Variants in AHCY observed in about 807,000 individuals in gnomAD.
AHCY encodes the protein S-adenosyl-L-homocysteine hydrolase.
AHCY carries 24 observed loss-of-function variants against 45.4 expected under a neutral mutation model. The ratio of observed to expected loss-of-function variants is 0.53; its 90% CI spans 0.38 to 0.74. The LOEUF (loss-of-function observed/expected upper bound fraction) is 0.74. Ranked by LOEUF, AHCY falls within the 30% of genes least tolerant of loss-of-function variation. The probability of loss-of-function intolerance (pLI) is 0.00; values close to 1 mark genes in which losing one functional copy is unlikely to be tolerated. For synonymous variants in AHCY, 245 were observed against 235.1 expected, an observed-to-expected ratio of 1.04 and a Z score of -0.39; for missense variants, 449 against 594.1, an observed-to-expected ratio of 0.76 and a Z score of 2.54.
At chr20:34,303,804 G>T (rs2036859484), upstream of AHCY, among the ~76,000 whole-genome samples, 1 of 152,244 alleles carries the variant, frequency 6.6e-6, no homozygotes, top group African/African-American at 2.4e-5. Flanking sequence ...GACCATCCTG[G>T]GCAACACAGT....
chr20:34,303,663 A>C (rs57179523), upstream of AHCY, among the ~76,000 whole-genome samples: 9 of 152,272 alleles, frequency 5.9e-5, no homozygotes, highest in East Asian at 1.7e-3. Flanking sequence ...TCATCTGTAA[A>C]ATGGGCCAAA....
intron 1 of AHCY, among the ~76,000 whole-genome samples, 184 bp from the exon 2 acceptor site, chr20:34,295,769 T>A (rs1248349024): frequency 2.6e-5 from 4 of 152,194 alleles, no homozygotes; most frequent in African/African-American, 9.7e-5. Flanking sequence ...AAAGACACGG[T>A]CCCTGCCTAC....
chr20:34,276,739 A>G (rs1363093589), downstream of AHCY, among the ~76,000 whole-genome samples: 2 of 151,962 alleles, frequency 1.3e-5, no homozygotes, highest in African/African-American at 4.8e-5. Context: ...ATTTCTAGCA[A>G]AAGTCCTAAA....
upstream of AHCY, among the ~76,000 whole-genome samples, chr20:34,307,034 T>C (rs1030359949): frequency 6.6e-6 from 1 of 152,220 alleles, no homozygotes; most frequent in Non-Finnish European, 1.5e-5. Flanking sequence ...TGTTTTATTA[T>C]GGTTTTGCAA....
the AHCY span, among the ~76,000 whole-genome samples, chr20:34,269,726 C>G: frequency 6.6e-6 from 1 of 151,800 alleles, no homozygotes; most frequent in Admixed American, 6.6e-5. Flanking sequence ...GGGCGGATCT[C>G]CTGAGGTCTG....
At chr20:34,235,962 A>AGGTAGGGAGGGAAGAAGGAAGG in the AHCY span, among the ~76,000 whole-genome samples, 1 of 83,802 alleles carries the variant, frequency 1.2e-5, no homozygotes, top group Admixed American at 9.7e-5. Flanking sequence ...GGAAGGAAGG[A>AGGTAGGGAGGGAAGAAGGAAGG]AGGAGGGAGG....
At chr20:34,300,072 C>T (rs1163047947) in intron 1 of AHCY, among the ~76,000 whole-genome samples, 1 of 152,146 alleles carries the variant, frequency 6.6e-6, no homozygotes, top group Non-Finnish European at 1.5e-5. Context: ...ATAATCCCAC[C>T]TACTCAGGAG....
At chr20:34,302,742 G>A in intron 1 of AHCY, 4 of 990,416 alleles carry the variant, frequency 4.0e-6, no homozygotes, top group South Asian at 9.2e-5. Context: ...AAGTCCCAGG[G>A]GAGAGGAGGA....
the AHCY span, among the ~76,000 whole-genome samples, chr20:34,274,504 TC>T: frequency 5.6e-3 from 845 of 152,160 alleles, 11 homozygotes; most frequent in African/African-American, 0.02. Flanking sequence ...CCCATGTGAC[TC>T]CCCAGCTCTC....
At chr20:34,301,227 T>A (rs2036760431) in intron 1 of AHCY, among the ~76,000 whole-genome samples, 1 of 152,058 alleles carries the variant, frequency 6.6e-6, no homozygotes, top group South Asian at 2.1e-4. Flanking sequence ...TCAAGGCCCC[T>A]CCTGGGAGGG....
chr20:34,242,709 A>C, the AHCY span, among the ~76,000 whole-genome samples: 1 of 152,272 alleles, frequency 6.6e-6, no homozygotes, highest in African/African-American at 2.4e-5. Flanking sequence ...TTGCTCAGCT[A>C]TATCTCCTTG....
chr20:34,263,671 T>C, the AHCY span, among the ~76,000 whole-genome samples: 1 of 151,474 alleles, frequency 6.6e-6, no homozygotes, highest in Admixed American at 6.6e-5. Flanking sequence ...CTTTTTTTTT[T>C]TTTCTTTTTT....
chr20:34,264,043 T>G, the AHCY span, among the ~76,000 whole-genome samples: 1 of 152,100 alleles, frequency 6.6e-6, no homozygotes, highest in African/African-American at 2.4e-5. Context: ...TACCTAGAAA[T>G]ATTTAAAAAA....
the AHCY span, chr20:34,250,093 C>G: frequency 6.6e-6 from 1 of 152,266 alleles, no homozygotes; most frequent in African/African-American, 2.4e-5. Context: ...CAGGGATGAG[C>G]TTTACCAAGA....
the AHCY span, among the ~76,000 whole-genome samples, chr20:34,240,073 G>A: frequency 6.6e-6 from 1 of 152,160 alleles, no homozygotes. Flanking sequence ...AAGAAGGTTG[G>A]GAGTTTTATT....
the AHCY span, among the ~76,000 whole-genome samples, chr20:34,266,277 G>A: frequency 1.3e-5 from 2 of 152,052 alleles, no homozygotes; most frequent in African/African-American, 2.4e-5. Context: ...GCGTGAACCC[G>A]GGAGGCAGAG....
the AHCY span, among the ~76,000 whole-genome samples, chr20:34,270,493 T>C: frequency 1.2e-4 from 18 of 152,328 alleles, no homozygotes; most frequent in Admixed American, 9.2e-4. Flanking sequence ...CAGTCACTCC[T>C]CGTGTTTTCC....
At chr20:34,257,656 TAA>T in the AHCY span, among the ~76,000 whole-genome samples, 1 of 152,314 alleles carries the variant, frequency 6.6e-6, no homozygotes, top group East Asian at 1.9e-4. Flanking sequence ...GATATAATAA[TAA>T]GTTTCAAAAC....
the AHCY span, among the ~76,000 whole-genome samples, chr20:34,236,266 G>A: frequency 1.2e-4 from 18 of 152,294 alleles, no homozygotes; most frequent in East Asian, 7.7e-4. Flanking sequence ...ATGGCTGGGC[G>A]CAGTGGCTCA....
Sources: allele counts gnomAD v4.1 joint callset (sites outside exome capture counted in the v4.1 genomes callset), GRCh38; gene constraint gnomAD v4.1.1; transcripts MANE v1.5; gene names NCBI Gene and HGNC (gene_info 2026-07-23, HGNC 2026-07-21).